TTLL11: variants seen among roughly 807,000 people sequenced by gnomAD.
TTLL11 encodes the protein tubulin tyrosine ligase like 11, also known as tubulin polyglutamylase TTLL11.
In TTLL11, 42 loss-of-function variants were observed where a neutral mutation model predicts 51.7. The observed-to-expected ratio is 0.81, with a 90% CI of 0.64 to 1.05. TTLL11 has a LOEUF of 1.05. Ranked by LOEUF, TTLL11 falls within the 50% of genes least tolerant of loss-of-function variation. The pLI, the probability that TTLL11 is intolerant of heterozygous loss-of-function variation, is 0.00. For missense variants in TTLL11, 799 were observed against 940.4 expected (o/e 0.85, Z 1.97); for synonymous variants, 381 against 383.5 (o/e 0.99, Z 0.08).
chr9:121,863,722 G>A (rs972819715), intron 7 of TTLL11, among the ~76,000 whole-genome samples: 1 of 152,222 alleles, frequency 6.6e-6, no homozygotes, highest in African/African-American at 2.4e-5. Context: ...CTGTATGCTA[G>A]GGCTTTTCTT....
chr9:122,029,419 G>A (rs1039491905), intron 3 of TTLL11, among the ~76,000 whole-genome samples: 6 of 152,154 alleles, frequency 3.9e-5, no homozygotes, highest in Non-Finnish European at 8.8e-5. Context: ...AAGTGGAGGT[G>A]GAAGACAGTG....
chr9:121,950,980 G>T (rs1323737254), intron 6 of TTLL11, among the ~76,000 whole-genome samples: 1 of 152,168 alleles, frequency 6.6e-6, no homozygotes, highest in Non-Finnish European at 1.5e-5. Context: ...CAAGGAGGCT[G>T]CAGAGTGAAG....
intron 1 of TTLL11, among the ~76,000 whole-genome samples, chr9:122,085,784 A>G (rs1846108347): frequency 6.6e-6 from 1 of 152,208 alleles, no homozygotes; most frequent in Non-Finnish European, 1.5e-5. Context: ...ATTCTGTGAG[A>G]TAGATAGCAC....
intron 6 of TTLL11, among the ~76,000 whole-genome samples, chr9:121,938,085 C>G (rs1411876215): frequency 1.3e-5 from 2 of 152,056 alleles, no homozygotes; most frequent in Non-Finnish European, 2.9e-5. Context: ...GTCAAGAGAT[C>G]AAGACCATCC....
intron 4 of TTLL11, 131 bp from the exon 5 acceptor site, chr9:121,975,110 C>G (rs961932199): frequency 4.0e-5 from 24 of 601,394 alleles, no homozygotes; most frequent in Non-Finnish European, 5.9e-5. Context: ...TCCACAGCCC[C>G]TCTTCCTCTG....
intron 6 of TTLL11, among the ~76,000 whole-genome samples, chr9:121,902,308 T>G (rs1839805662): frequency 6.6e-6 from 1 of 152,260 alleles, no homozygotes; most frequent in African/African-American, 2.4e-5. Context: ...CACTATTCTT[T>G]AAGAACATCC....
At chr9:121,948,832 T>G (rs941731095) in intron 6 of TTLL11, among the ~76,000 whole-genome samples, 84 of 152,256 alleles carry the variant, frequency 5.5e-4, no homozygotes, top group Admixed American at 8.5e-4. Flanking sequence ...GTTTTCTGAG[T>G]TCCCACTGCA....
chr9:122,072,536 C>T (rs981466344), intron 1 of TTLL11, among the ~76,000 whole-genome samples: 6 of 152,108 alleles, frequency 3.9e-5, no homozygotes, highest in Non-Finnish European at 8.8e-5. Context: ...CCCAGCTACT[C>T]GGGAGGCTGA....
At chr9:122,005,704 C>A (rs1361816869) in intron 3 of TTLL11, among the ~76,000 whole-genome samples, 1 of 152,162 alleles carries the variant, frequency 6.6e-6, no homozygotes, top group Non-Finnish European at 1.5e-5. Flanking sequence ...TGCCCTCCAG[C>A]AATATAACAA....
intron 1 of TTLL11, among the ~76,000 whole-genome samples, chr9:122,081,271 G>C (rs1249902262): frequency 2.6e-5 from 4 of 152,212 alleles, no homozygotes; most frequent in Non-Finnish European, 1.5e-5. Flanking sequence ...CAAGCCAGGA[G>C]AGCCAGCCTC....
intron 2 of TTLL11, among the ~76,000 whole-genome samples, chr9:122,038,841 T>C (rs1424017114): frequency 6.6e-6 from 1 of 152,178 alleles, no homozygotes; most frequent in African/African-American, 2.4e-5. Context: ...GTACTTAATA[T>C]GGAGACCAGT....
intron 7 of TTLL11, among the ~76,000 whole-genome samples, chr9:121,866,036 T>G (rs1838164497): frequency 6.6e-6 from 1 of 152,120 alleles, no homozygotes. Context: ...AGAGAGAGAG[T>G]GGGTAGAACA....
rs1838841935 is a variant in TTLL11, at chr9:121,882,620, G to C, written c.1482-11872C>G. ...TCCTCTAAGTCCCTGTCCTTGACCT[G>C]CTCCCTGCCCACAGTCTTCCTGGGC... On this transcript the variant is annotated intron_variant, in intron 6 of 8. Coordinates refer to ENST00000321582, the MANE Select transcript of TTLL11 (RefSeq NM_001139442.2). Among the ~76,000 whole-genome samples, 4 of 151,974 alleles carry C rather than the reference G, an allele frequency of 2.6e-5. No individual in the cohort carries two copies. The South Asian group carries it at 8.3e-4, about 32-fold the overall frequency.
intron 3 of TTLL11, among the ~76,000 whole-genome samples, chr9:122,023,120 A>T (rs1221422494): frequency 1.3e-5 from 2 of 152,036 alleles, no homozygotes; most frequent in Non-Finnish European, 1.5e-5. Context: ...GTTAGGACTA[A>T]GAGGTATCAT....
intron 3 of TTLL11, among the ~76,000 whole-genome samples, chr9:121,993,260 C>T (rs946369418): frequency 6.6e-6 from 1 of 152,108 alleles, no homozygotes; most frequent in African/African-American, 2.4e-5. Flanking sequence ...AACATACATA[C>T]AATGTACATT....
chr9:121,826,266 T>A (rs1836764923), intron 8 of TTLL11, among the ~76,000 whole-genome samples: 1 of 118,004 alleles, frequency 8.5e-6, no homozygotes, highest in African/African-American at 3.3e-5. Context: ...TATATATGGG[T>A]AAAACCCATA....
intron 6 of TTLL11, among the ~76,000 whole-genome samples, chr9:121,965,762 G>T (rs1247289240): frequency 1.3e-5 from 2 of 152,164 alleles, no homozygotes; most frequent in Admixed American, 6.5e-5. Flanking sequence ...CGTTATTTTT[G>T]AGGGGACTTC....
intron 3 of TTLL11, among the ~76,000 whole-genome samples, chr9:122,024,382 A>G (rs1844268808): frequency 6.6e-6 from 1 of 152,198 alleles, no homozygotes; most frequent in African/African-American, 2.4e-5. Flanking sequence ...ATATAGATTC[A>G]GCACAATTCC....
Position 121,926,550 on chromosome 9 carries a change from C to T in TTLL11, c.1481+47459G>A, listed in dbSNP as rs77541973. Among the ~76,000 whole-genome samples the T allele has an allele frequency of 5.2e-3, 794 of 152,324 alleles. 4 individuals carry two copies. Among genetic ancestry groups the T allele is most frequent in the African/African-American group, 0.018 (761 of 41,568 alleles). ...CCCTGGAGGTGGTGCTCTTCCTGGC[C>T]CTGTGGCATAGACGAGGATCCTGAG... is the stretch of plus-strand genomic sequence containing the variant. On this transcript the variant is annotated intron_variant, in intron 6 of 8. Transcript: ENST00000321582.
Sources: gnomAD v4.1 joint callset for allele counts (sites outside exome capture counted in the v4.1 genomes callset) on GRCh38, gnomAD v4.1.1 for gene constraint, MANE v1.5 for transcripts, NCBI Gene and HGNC (gene_info 2026-07-23, HGNC 2026-07-21) for gene names.